Variants in GBF1 observed in about 807,000 individuals in gnomAD.
The protein encoded by GBF1 is golgi brefeldin A resistant guanine nucleotide exchange factor 1.
GBF1 carries 114 observed loss-of-function variants against 210.5 expected under a neutral mutation model. The observed-to-expected ratio is 0.54, with a 90% CI of 0.47 to 0.63. GBF1 has a LOEUF of 0.63. Among genes scored for constraint, GBF1 ranks in the 30% least tolerant of loss-of-function variants. The pLI is 0.00. For synonymous variants in GBF1, 850 were observed against 889.2 expected (o/e 0.96, Z 0.78); for missense variants, 1,851 against 2,357.7 (o/e 0.79, Z 4.45).
At chr10:102,325,726 T>C (rs112753219) in intron 3 of GBF1, among the ~76,000 whole-genome samples, 18,106 of 151,470 alleles carry the variant, frequency 0.12, 1,300 homozygotes, top group Middle Eastern at 0.26. Context: ...CTTGGCTCAC[T>C]GCACCCTCCG....
At chr10:102,322,718 CAAAAAAAA>C (rs61470777) in intron 3 of GBF1, among the ~76,000 whole-genome samples, 99 of 80,478 alleles carry the variant, frequency 1.2e-3, no homozygotes, top group East Asian at 3.9e-3. Flanking sequence ...CTCATCTCTA[CAAAAAAAA>C]AAAAAAAAAA....
At chr10:102,307,409 T>G (rs1381566401) in intron 3 of GBF1, among the ~76,000 whole-genome samples, 1 of 150,820 alleles carries the variant, frequency 6.6e-6, no homozygotes, top group Non-Finnish European at 1.5e-5. Context: ...TGAAAGGAAT[T>G]GTTATAGTGA....
chr10:102,284,176 G>A (rs1030755927), intron 3 of GBF1, among the ~76,000 whole-genome samples: 2 of 152,164 alleles, frequency 1.3e-5, no homozygotes, highest in African/African-American at 4.8e-5. Context: ...TAGAAGGGAA[G>A]CTCATATCCT....
At chr10:102,343,885 CA>C (rs1171061554) in intron 3 of GBF1, among the ~76,000 whole-genome samples, 165 bp from the exon 4 acceptor site, 1 of 151,452 alleles carries the variant, frequency 6.6e-6, no homozygotes, top group Admixed American at 6.6e-5. Context: ...GAAAATTTTA[CA>C]GATAAAATGA....
intron 3 of GBF1, among the ~76,000 whole-genome samples, chr10:102,304,973 G>A (rs555338567): frequency 2.1e-5 from 3 of 141,574 alleles, no homozygotes; most frequent in African/African-American, 5.3e-5. Flanking sequence ...ATAGCAAGAC[G>A]CACATCTCTT....
chr10:102,352,986 G>T (rs1465060439), intron 7 of GBF1, among the ~76,000 whole-genome samples: 1 of 152,112 alleles, frequency 6.6e-6, no homozygotes, highest in Non-Finnish European at 1.5e-5. Context: ...CCTTTGGTAA[G>T]GCCCTTAGCC....
intron 4 of GBF1, among the ~76,000 whole-genome samples, chr10:102,344,532 G>A (rs1229683454): frequency 6.6e-6 from 1 of 152,102 alleles, no homozygotes; most frequent in Non-Finnish European, 1.5e-5. Context: ...CCAGGCTGGA[G>A]TGCAGTGGTG....
intron 1 of GBF1, among the ~76,000 whole-genome samples, chr10:102,250,059 C>T (rs1371482859): frequency 2.7e-5 from 4 of 147,420 alleles, no homozygotes; most frequent in Non-Finnish European, 5.9e-5. Context: ...CTTTAGCTCC[C>T]TACTACCATC....
At chr10:102,238,187 C>T in the GBF1 span, among the ~76,000 whole-genome samples, 3 of 152,172 alleles carry the variant, frequency 2.0e-5, no homozygotes, top group African/African-American at 7.2e-5. Flanking sequence ...TTTCATGAGT[C>T]CCTGGCAGTG....
At chr10:102,368,135 T>C in intron 21 of GBF1, 83 bp from the exon 22 acceptor site, 1 of 844,282 alleles carries the variant, frequency 1.2e-6, no homozygotes, top group South Asian at 1.4e-5. Flanking sequence ...TGGAGAGTGC[T>C]AGTATGGATG....
chr10:102,381,310 G>A, intron 39 of GBF1, 55 bp downstream of exon 39: 1 of 1,585,230 alleles, frequency 6.3e-7, no homozygotes, highest in Non-Finnish European at 8.6e-7. Flanking sequence ...GGGGGCCTAA[G>A]AGGAGGCCCA....
In GBF1 at chr10:102,351,409, C is replaced by T. The variant is rs762815717; in HGVS notation, c.414+35C>T. ...AGGGAAATAGCAATTAGGCTAATGG[C>T]CAGGGGCTGGTGCCGCAGACTCTAC... is the stretch of plus-strand genomic sequence containing the variant. On this transcript the variant is annotated intron_variant, in intron 5 of 39. Coordinates refer to ENST00000369983, the MANE Select transcript of GBF1 (RefSeq NM_001377137.1). The T allele has an allele frequency of 1.1e-5, 12 of 1,119,180 alleles. No homozygotes were observed. The South Asian group carries it at 1.5e-4, about 14-fold the overall frequency. The allele number at this position is 1,119,180 out of a possible 1,614,324, so 69.3% of individuals were successfully genotyped here. A position where few individuals can be genotyped will look rare whatever the true frequency, so the allele number is the denominator to read the frequency against.
intron 39 of GBF1, among the ~76,000 whole-genome samples, chr10:102,381,552 G>A (rs1257719087): frequency 2.0e-5 from 3 of 152,134 alleles, no homozygotes. Flanking sequence ...GCCAGGCGCA[G>A]TGGCTCATAC....
chr10:102,267,367 C>G (rs1490027700), intron 3 of GBF1, among the ~76,000 whole-genome samples: 1 of 151,978 alleles, frequency 6.6e-6, no homozygotes, highest in Non-Finnish European at 1.5e-5. Context: ...TAGCCAGGTG[C>G]GGTGGCGCAT....
intron 3 of GBF1, among the ~76,000 whole-genome samples, chr10:102,322,931 TAAG>T (rs1024966493): frequency 7.5e-4 from 114 of 151,682 alleles, no homozygotes; most frequent in African/African-American, 2.7e-3. Context: ...ATAATAATAA[TAAG>T]AAGAAGACAA....
At chr10:102,376,466 C>G (rs757891586) in intron 31 of GBF1, 34 bp downstream of exon 31, 1 of 1,612,668 alleles carries the variant, frequency 6.2e-7, no homozygotes, top group South Asian at 1.1e-5. Context: ...TTGAGTCTCT[C>G]CTGCTTGACC....
chr10:102,326,630 A>G (rs1176995451), intron 3 of GBF1, among the ~76,000 whole-genome samples: 1 of 152,204 alleles, frequency 6.6e-6, no homozygotes, highest in East Asian at 1.9e-4. Context: ...TGAATAAAGA[A>G]TACACAGAAC....
chr10:102,379,168 G>A, intron 33 of GBF1, 116 bp from the exon 34 acceptor site: 1 of 899,808 alleles, frequency 1.1e-6, no homozygotes. Flanking sequence ...GTGAGGTATG[G>A]CATGATTGGT....
intron 1 of GBF1, among the ~76,000 whole-genome samples, chr10:102,252,935 C>T (rs1319633105): frequency 6.6e-6 from 1 of 152,018 alleles, no homozygotes; most frequent in African/African-American, 2.4e-5. Context: ...TGCTCTGCTG[C>T]CCAGGCTGGA....
Sources: gnomAD v4.1 joint callset for allele counts (sites outside exome capture counted in the v4.1 genomes callset) on GRCh38, gnomAD v4.1.1 for gene constraint, MANE v1.5 for transcripts, NCBI Gene and HGNC (gene_info 2026-07-23, HGNC 2026-07-21) for gene names.